GRID1: variants seen among roughly 807,000 people sequenced by gnomAD.
The protein encoded by GRID1 is glutamate ionotropic receptor delta type subunit 1, also known as glutamate receptor ionotropic, delta-1.
A neutral mutation model predicts 98.0 loss-of-function variants in GRID1; 28 were observed. The ratio of observed to expected loss-of-function variants is 0.29; its 90% CI spans 0.21 to 0.39. The LOEUF (loss-of-function observed/expected upper bound fraction) is 0.39. Ranked by LOEUF, GRID1 falls within the 10% of genes least tolerant of loss-of-function variation. The pLI is 1.00. For missense variants in GRID1, 1,111 were observed against 1,340.5 expected, an observed-to-expected ratio of 0.83 and a Z score of 2.67; for synonymous variants, 553 against 538.5, an observed-to-expected ratio of 1.03 and a Z score of -0.37.
At chr10:86,243,328 G>C (rs767675779) in intron 2 of GRID1, among the ~76,000 whole-genome samples, 1 of 152,158 alleles carries the variant, frequency 6.6e-6, no homozygotes, top group Non-Finnish European at 1.5e-5. Flanking sequence ...TCCTCAGATG[G>C]AGTCTTTAGG....
At chr10:86,048,842 C>T (rs1843461504) in intron 4 of GRID1, among the ~76,000 whole-genome samples, 1 of 152,220 alleles carries the variant, frequency 6.6e-6, no homozygotes, top group African/African-American at 2.4e-5. Flanking sequence ...GGTTTGCAAG[C>T]TCAAAGGCCC....
intron 8 of GRID1, among the ~76,000 whole-genome samples, chr10:85,748,217 G>A (rs186470384): frequency 2.3e-3 from 350 of 152,264 alleles, no homozygotes; most frequent in Middle Eastern, 0.01. Context: ...AAATGGAATG[G>A]AATGGAGTAG....
intron 13 of GRID1, among the ~76,000 whole-genome samples, chr10:85,621,782 AT>A (rs1336887598): frequency 1.3e-5 from 2 of 152,186 alleles, no homozygotes; most frequent in African/African-American, 4.8e-5. Context: ...TAACAATCCT[AT>A]AAATTTTTCC....
At chr10:86,171,071 T>C (rs1845478757) in intron 3 of GRID1, among the ~76,000 whole-genome samples, 1 of 152,228 alleles carries the variant, frequency 6.6e-6, no homozygotes, top group Non-Finnish European at 1.5e-5. Flanking sequence ...AAAGTTTTAA[T>C]ACTCTCTACC....
At chr10:85,878,300 C>T (rs1014354828) in intron 5 of GRID1, among the ~76,000 whole-genome samples, 1 of 151,990 alleles carries the variant, frequency 6.6e-6, no homozygotes, top group Admixed American at 6.6e-5. Flanking sequence ...AGAAGAGCAA[C>T]TCCAAGACAC....
chr10:86,220,424 C>A (rs1564710156), intron 2 of GRID1, among the ~76,000 whole-genome samples: 1 of 152,210 alleles, frequency 6.6e-6, no homozygotes, highest in East Asian at 1.9e-4. Context: ...GTCCTGACCT[C>A]ATGGAGTAAT....
chr10:86,254,522 C>T (rs1241208459), intron 2 of GRID1, among the ~76,000 whole-genome samples: 1 of 152,200 alleles, frequency 6.6e-6, no homozygotes, highest in African/African-American at 2.4e-5. Flanking sequence ...TGAGAACTAC[C>T]GTAGCTGCTC....
At chr10:85,927,695 C>T (rs948235450) in intron 4 of GRID1, among the ~76,000 whole-genome samples, 5 of 152,108 alleles carry the variant, frequency 3.3e-5, no homozygotes, top group African/African-American at 1.2e-4. Flanking sequence ...GTTCGAGAAA[C>T]ACATCAATAT....
intron 4 of GRID1, among the ~76,000 whole-genome samples, chr10:86,030,975 T>C (rs572163250): frequency 6.6e-6 from 1 of 152,260 alleles, no homozygotes; most frequent in Non-Finnish European, 1.5e-5. Context: ...GCGTGCACTA[T>C]GTAAACATCA....
chr10:86,301,568 C>A (rs1847687774), intron 2 of GRID1, among the ~76,000 whole-genome samples: 1 of 152,194 alleles, frequency 6.6e-6, no homozygotes, highest in Admixed American at 6.5e-5. Context: ...AGCAGATGGA[C>A]CCTTGGCCAC....
chr10:86,140,709 T>G lies in GRID1; in HGVS notation c.521-1685A>C, dbSNP rs140347970. Reference sequence around the variant, plus strand: ...ACGAACTCCGACACTTAGGACTCAGTACAGTCTCTGAAGCCCTCAGGCAAA... The same window carrying G: ...ACGAACTCCGACACTTAGGACTCAGGACAGTCTCTGAAGCCCTCAGGCAAA... On this transcript the variant is annotated intron_variant, in intron 3 of 15. Coordinates refer to ENST00000327946, the MANE Select transcript of GRID1 (RefSeq NM_017551.3). 2.8e-3 allele frequency among the ~76,000 whole-genome samples: 424 copies of G among 152,318 alleles called. 3 individuals carry two copies. The highest frequency in any genetic ancestry group is 9.7e-3 in the African/African-American group (402 of 41,564).
chr10:86,258,919 T>C (rs1258293282), intron 2 of GRID1, among the ~76,000 whole-genome samples: 2 of 152,126 alleles, frequency 1.3e-5, no homozygotes, highest in South Asian at 2.1e-4. Flanking sequence ...ATCACCTCAA[T>C]AGAAAAATTC....
intron 4 of GRID1, among the ~76,000 whole-genome samples, chr10:86,041,230 A>C (rs1348907596): frequency 6.6e-6 from 1 of 152,230 alleles, no homozygotes; most frequent in Non-Finnish European, 1.5e-5. Flanking sequence ...CCTGCAAACC[A>C]ACCCAGGGTG....
At chr10:86,153,255 C>T (rs1845195617) in intron 3 of GRID1, among the ~76,000 whole-genome samples, 1 of 152,208 alleles carries the variant, frequency 6.6e-6, no homozygotes, top group African/African-American at 2.4e-5. Flanking sequence ...GGTATTCCAG[C>T]TCACCAGTGC....
intron 5 of GRID1, among the ~76,000 whole-genome samples, chr10:85,894,217 G>A: frequency 6.6e-6 from 1 of 152,046 alleles, no homozygotes; most frequent in East Asian, 1.9e-4. Context: ...AAGTAGAAAG[G>A]ATATTTTCAA....
chr10:85,852,622 T>C, intron 8 of GRID1, among the ~76,000 whole-genome samples: 1 of 152,218 alleles, frequency 6.6e-6, no homozygotes, highest in East Asian at 1.9e-4. Flanking sequence ...CCGTGGTCGA[T>C]GTGAACAGTT....
chr10:86,036,712 G>A (rs559686387), intron 4 of GRID1, among the ~76,000 whole-genome samples: 8 of 152,284 alleles, frequency 5.3e-5, no homozygotes, highest in South Asian at 2.1e-4. Flanking sequence ...GCTCTCCACC[G>A]CCCACTTGGT....
chr10:86,226,005 C>T (rs1025381601), intron 2 of GRID1, among the ~76,000 whole-genome samples: 9 of 152,002 alleles, frequency 5.9e-5, no homozygotes, highest in South Asian at 2.1e-4. Flanking sequence ...TCCACAGGCC[C>T]GATTCAATTA....
chr10:86,117,677 A>G (rs1475293916), intron 4 of GRID1, among the ~76,000 whole-genome samples: 1 of 152,254 alleles, frequency 6.6e-6, no homozygotes, highest in Non-Finnish European at 1.5e-5. Flanking sequence ...GACCTTCAAA[A>G]AGTGAATTAG....
Sources: allele counts gnomAD v4.1 joint callset (sites outside exome capture counted in the v4.1 genomes callset), GRCh38; gene constraint gnomAD v4.1.1; transcripts MANE v1.5; gene names NCBI Gene and HGNC (gene_info 2026-07-23, HGNC 2026-07-21).